The following SPACA1 variants were observed in gnomAD, a reference collection of about 807,000 sequenced individuals.
SPACA1 encodes the protein sperm acrosome membrane-associated protein 1.
A neutral mutation model predicts 32.6 loss-of-function variants in SPACA1; 17 were observed. The observed-to-expected ratio is 0.52, with a 90% CI of 0.36 to 0.78. The LOEUF (loss-of-function observed/expected upper bound fraction) is 0.78, where lower values mean the gene tolerates loss of function less well. Ranked by LOEUF, SPACA1 falls within the 30% of genes least tolerant of loss-of-function variation. The pLI is 0.01. For missense variants in SPACA1, 363 were observed against 373.4 expected (o/e 0.97, Z 0.23); for synonymous variants, 140 against 138.1 (o/e 1.01, Z -0.10).
In SPACA1 at chr6:88,059,585, A is replaced by G; in HGVS notation, c.607A>G (p.Ser203Gly). The change falls in exon 5 of 7, where the codon AGT (serine) becomes GGT (glycine). Residue 203 changes from serine to glycine, a missense_variant. Ser to Gly is a moderately conservative substitution (Grantham distance 56, BLOSUM62 0). Transcript: ENST00000237201. ...ATIKFTVYTS[S>G]ELQMRRSSLP... ...TATTAAATTCACAGTCTATACGAGC[A>G]GTGGTAAGTGTCCAGCAATGTCTTG... is the stretch of plus-strand genomic sequence containing the variant. 1 of 1,609,966 alleles carries G rather than the reference A, an allele frequency of 6.2e-7. No individual in the cohort carries two copies. The highest frequency in any genetic ancestry group is 8.5e-7 in the Non-Finnish European group (1 of 1,178,378).
At chr6:88,054,751 G>T (rs1486804458) in intron 2 of SPACA1, among the ~76,000 whole-genome samples, 1 of 152,152 alleles carries the variant, frequency 6.6e-6, no homozygotes, top group Non-Finnish European at 1.5e-5. Context: ...GAATTTTGCA[G>T]GGGTGGCGGT....
chr6:88,065,953 A>G (rs900571433), intron 6 of SPACA1, among the ~76,000 whole-genome samples: 1 of 151,954 alleles, frequency 6.6e-6, no homozygotes, highest in Non-Finnish European at 1.5e-5. Flanking sequence ...CCTGTAATAT[A>G]GCTGTAATGT....
At position 88,064,105 on chromosome 6, in the gene SPACA1, A is replaced by G; in HGVS notation, c.617A>G (p.Gln206Arg). Residue 206 changes from glutamine (Q) to arginine (R), a missense_variant, in exon 6 of 7, where the codon CAG (glutamine) becomes CGG (arginine). By Grantham distance (43) the Gln-to-Arg change is conservative (BLOSUM62 1). Transcript: ENST00000237201. ...KFTVYTSSEL[Q>R]MRRSSLPATD... Reference sequence around the variant, plus strand: ...GTTTGTGTGTTTTCTCTAGAATTGCAGATGAGAAGATCAAGCCTACCAGCC... The same window carrying G: ...GTTTGTGTGTTTTCTCTAGAATTGCGGATGAGAAGATCAAGCCTACCAGCC... 1 of 1,613,250 alleles carries G rather than the reference A, an allele frequency of 6.2e-7. No individual in the cohort carries two copies. The highest frequency in any genetic ancestry group is 1.7e-5 in the Admixed American group (1 of 59,944).
At chr6:88,047,828 C>G, upstream of SPACA1, 1 of 1,369,900 alleles carries the variant, frequency 7.3e-7, no homozygotes, top group Non-Finnish European at 9.7e-7. Context: ...GGCGGGGTGT[C>G]GCAGCTCTCT....
upstream of SPACA1, among the ~76,000 whole-genome samples, chr6:88,047,039 C>T (rs1775647734): frequency 6.6e-6 from 1 of 152,080 alleles, no homozygotes; most frequent in Admixed American, 6.5e-5. Context: ...AACAAACAAC[C>T]ACATTGTGAC....
At chr6:88,053,896 A>C in intron 1 of SPACA1, 50 bp from the exon 2 acceptor site, 1 of 1,515,202 alleles carries the variant, frequency 6.6e-7, no homozygotes, top group Non-Finnish European at 9.1e-7. Flanking sequence ...TGTTTCACTT[A>C]GAAAAGTTTT....
At chr6:88,050,943 C>A (rs938416016) in intron 1 of SPACA1, among the ~76,000 whole-genome samples, 2 of 152,064 alleles carry the variant, frequency 1.3e-5, no homozygotes, top group East Asian at 3.9e-4. Flanking sequence ...AGGTGGAGAT[C>A]GAGAGCATCC....
At chr6:88,058,345 G>A (rs1347215437) in intron 3 of SPACA1, among the ~76,000 whole-genome samples, 2 of 152,166 alleles carry the variant, frequency 1.3e-5, no homozygotes, top group Non-Finnish European at 2.9e-5. Flanking sequence ...TTTTAAAACT[G>A]GAGGTTGCTT....
intron 2 of SPACA1, among the ~76,000 whole-genome samples, chr6:88,054,948 T>C (rs865982701): frequency 1.3e-5 from 2 of 152,094 alleles, no homozygotes; most frequent in Non-Finnish European, 2.9e-5. Flanking sequence ...TATGTCAAAC[T>C]AAAATGCCCA....
At chr6:88,047,840 C>A (rs1015503176), upstream of SPACA1, 61 of 1,424,352 alleles carry the variant, frequency 4.3e-5, 1 homozygote, top group African/African-American at 7.3e-4. Context: ...CAGCTCTCTT[C>A]GACGTACCTG....
rs202046887 is a variant in SPACA1 at position 88,047,931 on chromosome 6, C to G, written c.26C>G (p.Ser9Cys). 1 of 1,562,868 alleles carries G rather than the reference C, an allele frequency of 6.4e-7. No homozygotes were observed. ...ATGAGCCCCAGGGGCACGGGCTGCTCCGCCGGGCTGCTGATGACTGTCGGC... is the reference window on the plus strand; with the variant it reads ...ATGAGCCCCAGGGGCACGGGCTGCTGCGCCGGGCTGCTGATGACTGTCGGC... Reference protein sequence around the residue: MSPRGTGCSAGLLMTVGWL... With the variant: MSPRGTGCCAGLLMTVGWL... The change falls in exon 1 of 7, where the codon TCC becomes TGC. Residue 9 changes from serine (S) to cysteine (C), a missense_variant. Coordinates refer to ENST00000237201, the MANE Select transcript of SPACA1 (RefSeq NM_030960.3).
chr6:88,047,386 C>A (rs1432215397), upstream of SPACA1, among the ~76,000 whole-genome samples: 1 of 152,234 alleles, frequency 6.6e-6, no homozygotes, highest in Non-Finnish European at 1.5e-5. Flanking sequence ...CTTCTCAATA[C>A]ATCCCAAATT....
intron 5 of SPACA1, among the ~76,000 whole-genome samples, chr6:88,062,102 T>A (rs1021835590): frequency 1.3e-5 from 2 of 152,298 alleles, no homozygotes; most frequent in African/African-American, 4.8e-5. Flanking sequence ...AAAAGATTTT[T>A]AAAAATCCAA....
chr6:88,061,835 T>C (rs1338159047), intron 5 of SPACA1, among the ~76,000 whole-genome samples: 1 of 152,186 alleles, frequency 6.6e-6, no homozygotes, highest in Non-Finnish European at 1.5e-5. Flanking sequence ...CTATTTTTCA[T>C]TAAATACTTC....
At position 88,062,797 on chromosome 6, in the gene SPACA1, G is replaced by T. The variant is rs1775916255; in HGVS notation, c.611-1302G>T. Reference sequence around the variant, plus strand: ...GACCCCATTTCCTAAAGAGAGAGGGGTCGGGGTATGTGGATATGTGTATAG... The same window carrying T: ...GACCCCATTTCCTAAAGAGAGAGGGTTCGGGGTATGTGGATATGTGTATAG... On this transcript the variant is annotated intron_variant, in intron 5 of 6. Transcript: ENST00000237201. Among the ~76,000 whole-genome samples, 3 of 152,214 alleles carry T rather than the reference G, an allele frequency of 2.0e-5. No homozygotes were observed. The South Asian group carries it at 6.2e-4, about 32-fold the overall frequency.
At chr6:88,065,459 C>T (rs1042964264) in intron 6 of SPACA1, among the ~76,000 whole-genome samples, 1 of 147,446 alleles carries the variant, frequency 6.8e-6, no homozygotes, top group Non-Finnish European at 1.5e-5. Flanking sequence ...ACTATATGTA[C>T]ACATATAATA....
At chr6:88,065,019 G>A (rs1365705910) in intron 6 of SPACA1, among the ~76,000 whole-genome samples, 1 of 148,396 alleles carries the variant, frequency 6.7e-6, no homozygotes, top group Admixed American at 6.8e-5. Context: ...ACATATGATT[G>A]TGTATACATC....
At position 88,064,075 on chromosome 6, in the gene SPACA1, C is replaced by T. The variant is rs750379045; in HGVS notation, c.611-24C>T. On this transcript the variant is annotated intron_variant, in intron 5 of 6. Transcript: ENST00000237201. The stretch of plus-strand genomic sequence containing the variant: ...TTCCTTTTCCTCAGTAGTAATACTC[C>T]TTAGGTTTGTGTGTTTTCTCTAGAA... 4 of 1,608,714 alleles carry T rather than the reference C, an allele frequency of 2.5e-6. No homozygotes were observed. The South Asian group carries it at 4.4e-5, about 18-fold the overall frequency.
At chr6:88,047,371 G>A (rs755371425), upstream of SPACA1, among the ~76,000 whole-genome samples, 6 of 152,128 alleles carry the variant, frequency 3.9e-5, no homozygotes, top group Non-Finnish European at 7.4e-5. Flanking sequence ...AGAAGAAATC[G>A]AATCCTTCTC....
Sources: allele counts gnomAD v4.1 joint callset (sites outside exome capture counted in the v4.1 genomes callset), GRCh38; gene constraint gnomAD v4.1.1; transcripts MANE v1.5; gene names NCBI Gene and HGNC (gene_info 2026-07-23, HGNC 2026-07-21).